Variants in STC1 observed in about 807,000 individuals in gnomAD.
The protein encoded by STC1 is stanniocalcin-1.
In STC1, 7 loss-of-function variants were observed where a neutral mutation model predicts 22.6. The ratio of observed to expected loss-of-function variants is 0.31; its 90% CI spans 0.18 to 0.58. The LOEUF (loss-of-function observed/expected upper bound fraction) is 0.58. Ranked by LOEUF, STC1 falls within the 20% of genes least tolerant of loss-of-function variation. STC1 has a pLI of 0.89. For synonymous variants in STC1, 113 were observed against 120.7 expected, an observed-to-expected ratio of 0.94 and a Z score of 0.42; for missense variants, 224 against 311.0, an observed-to-expected ratio of 0.72 and a Z score of 2.10.
At position 23,852,373 on chromosome 8, in the gene STC1, G is replaced by A. The variant is rs141125289; in HGVS notation, c.130C>T (p.Arg44Cys). The change falls in exon 2 of 4, where the codon CGT becomes TGT. Residue 44 changes from arginine (R) to cysteine (C), a missense_variant. Transcript: ENST00000290271. Reference protein sequence around the residue: ...VAAQNSAEVVRCLNSALQVGC... With the variant: ...VAAQNSAEVVCCLNSALQVGC... ...ACCTGTAGAGCACTGTTGAGGCAAC[G>A]AACCACTTCAGCTGAAAGAGACAAA... The A allele has an allele frequency of 1.9e-6, 3 of 1,600,472 alleles. No individual in the cohort carries two copies. The highest frequency in any genetic ancestry group is 2.6e-6 in the Non-Finnish European group (3 of 1,174,040).
intron 3 of STC1, among the ~76,000 whole-genome samples, chr8:23,847,263 C>G (rs1802584438): frequency 6.6e-6 from 1 of 152,168 alleles, no homozygotes; most frequent in African/African-American, 2.4e-5. Flanking sequence ...GCTTCAGGGC[C>G]ATACATTTCC....
At chr8:23,845,084 G>T (rs1358842297) in intron 3 of STC1, 44 bp from the exon 4 acceptor site, 4 of 1,596,700 alleles carry the variant, frequency 2.5e-6, no homozygotes, top group Middle Eastern at 3.7e-4. Context: ...CCCAGTGAGA[G>T]CCCGGCGAGA....
chr8:23,848,203 C>A (rs1228513404), intron 3 of STC1, among the ~76,000 whole-genome samples: 2 of 152,080 alleles, frequency 1.3e-5, no homozygotes, highest in Admixed American at 1.3e-4. Flanking sequence ...GCTTACATCC[C>A]CTCCTTTGCA....
rs749093838 is a variant in STC1, at chr8:23,851,369, G to T, written c.424C>A (p.Pro142Thr). 3.1e-6 allele frequency: 5 copies of T among 1,613,966 alleles called. No homozygotes were observed. In the African/African-American group the frequency reaches 5.3e-5, roughly 17 times the overall value. Residue 142 changes from proline to threonine, a missense_variant, in exon 3 of 4, where the codon CCT (proline) becomes ACT (threonine). Transcript: ENST00000290271. Reference protein sequence around the residue: ...LNVCSIAKRNPEAITEVVQLP... With the variant: ...LNVCSIAKRNTEAITEVVQLP... ...TGGACGACCTCAGTGATGGCTTCAG[G>T]GTTCCGCTTGGCGATGCTGCACACA...
chr8:23,854,002 A>G, intron 1 of STC1: 1 of 1,019,864 alleles, frequency 9.8e-7, no homozygotes, highest in Non-Finnish European at 1.2e-6. Flanking sequence ...GTAGAGTCTT[A>G]AGAGGAAAGG....
intron 1 of STC1, chr8:23,854,193 C>T: frequency 1.7e-6 from 2 of 1,161,884 alleles, no homozygotes; most frequent in Non-Finnish European, 2.3e-6. Flanking sequence ...ATACCCTCAG[C>T]AGAGCGTCCA....
intron 1 of STC1, among the ~76,000 whole-genome samples, chr8:23,853,254 G>T (rs1438251235): frequency 6.6e-6 from 1 of 152,166 alleles, no homozygotes; most frequent in Non-Finnish European, 1.5e-5. Context: ...CATGCCATAG[G>T]ATTCTCCTCT....
intron 3 of STC1, 104 bp downstream of exon 3, chr8:23,851,216 A>G: frequency 9.2e-7 from 1 of 1,089,044 alleles, no homozygotes; most frequent in Non-Finnish European, 1.4e-6. Flanking sequence ...AAGCTAAAAT[A>G]AGAGCATGAC....
chr8:23,854,056 C>T, intron 1 of STC1: 11 of 1,081,930 alleles, frequency 1.0e-5, no homozygotes, highest in Non-Finnish European at 1.2e-5. Context: ...CTTAGATCAG[C>T]TTCTGGAAAG....
chr8:23,851,313 T>G lies in STC1; in HGVS notation c.473+7A>C. The G allele has an allele frequency of 1.2e-6, 2 of 1,613,914 alleles. No homozygotes were observed. The highest frequency in any genetic ancestry group is 1.7e-6 in the Non-Finnish European group (2 of 1,179,958). On this transcript the variant is annotated splice_region_variant and intron_variant, in intron 3 of 3. Transcript: ENST00000290271. ...CCTGATTGTGAAAAAGTAGACTCAGTTTGTACCTGTTGGAGAAGTGATTGG... is the reference window on the plus strand; with the variant it reads ...CCTGATTGTGAAAAAGTAGACTCAGGTTGTACCTGTTGGAGAAGTGATTGG...
At chr8:23,852,728 T>G (rs561860064) in intron 1 of STC1, among the ~76,000 whole-genome samples, 1 of 152,196 alleles carries the variant, frequency 6.6e-6, no homozygotes, top group African/African-American at 2.4e-5. Context: ...CAAAGGTCAT[T>G]GCTTAGCACT....
At position 23,844,668 on chromosome 8, in the gene STC1, T is replaced by A. The variant is rs1802549528; in HGVS notation, c.*102A>T. ...TTTAAGGGGGATAGAAAATAGGAAC[T>A]ACTTTAAAAAAATCAAACCAGGCAC... On this transcript the variant is annotated 3_prime_UTR_variant, in exon 4 of 4. Coordinates refer to ENST00000290271, the MANE Select transcript of STC1 (RefSeq NM_003155.3). 10 of 1,360,242 alleles carry A rather than the reference T, an allele frequency of 7.4e-6. No homozygotes were observed. The highest frequency in any genetic ancestry group is 1.0e-5 in the Non-Finnish European group (10 of 1,003,284). 84.3% of individuals were successfully genotyped at this position (1,360,242 alleles called of 1,614,324 possible). A position where few individuals can be genotyped will look rare whatever the true frequency, so the allele number is the denominator to read the frequency against.
Position 23,854,606 on chromosome 8 carries a change from A to T in STC1, c.-83T>A. 2 of 1,164,192 alleles carry T rather than the reference A, an allele frequency of 1.7e-6. No homozygotes were observed. The highest frequency in any genetic ancestry group is 2.6e-6 in the Non-Finnish European group (2 of 772,854). The allele number at this position is 1,164,192 out of a possible 1,614,324, so 72.1% of individuals were successfully genotyped here. On this transcript the variant is annotated 5_prime_UTR_variant, in exon 1 of 4. Transcript: ENST00000290271. ...TCTTTCCCTCTCCTGGCTTGAGTGAAGATGTGGATCTGGATACACTGAAAG... is the reference window on the plus strand; with the variant it reads ...TCTTTCCCTCTCCTGGCTTGAGTGATGATGTGGATCTGGATACACTGAAAG...
At chr8:23,848,985 C>T (rs1802605706) in intron 3 of STC1, among the ~76,000 whole-genome samples, 1 of 152,162 alleles carries the variant, frequency 6.6e-6, no homozygotes, top group Non-Finnish European at 1.5e-5. Context: ...TGCCTGCTTC[C>T]CACAGGGTTG....
chr8:23,854,741 T>TGCC lies in STC1; in HGVS notation c.-221_-219dup. ...CTGCTGCCGCCGCTGCTGCTGCTGCTGCCACCGCCGCTGCTGCTGCTGCTG... is the reference window on the plus strand; with the variant it reads ...CTGCTGCCGCCGCTGCTGCTGCTGCTGCCGCCACCGCCGCTGCTGCTGCTGCTG... On this transcript the variant is annotated 5_prime_UTR_variant, in exon 1 of 4. Transcript: ENST00000290271. 3.1e-6 allele frequency: 2 copies of TGCC among 649,442 alleles called. No individual in the cohort carries two copies. The highest frequency in any genetic ancestry group is 5.7e-6 in the Non-Finnish European group (2 of 349,940). 40.2% of individuals were successfully genotyped at this position (649,442 alleles called of 1,614,324 possible).
chr8:23,848,648 G>A (rs770979993), intron 3 of STC1, among the ~76,000 whole-genome samples: 52 of 150,608 alleles, frequency 3.5e-4, no homozygotes, highest in Non-Finnish European at 7.1e-4. Context: ...CACCCAGCCC[G>A]AAAGGACCTT....
At position 23,854,389 on chromosome 8, in the gene STC1, T is replaced by C. The variant is rs1264635631; in HGVS notation, c.118+17A>G. On this transcript the variant is annotated intron_variant, in intron 1 of 3. Coordinates refer to ENST00000290271, the MANE Select transcript of STC1 (RefSeq NM_003155.3). ...CAGCTCTTTGGGGGAGAAACCGCTC[T>C]TGGGTTTGCTGCTTACCTGAGTTTT... The C allele has an allele frequency of 6.2e-7, 1 of 1,610,740 alleles. No homozygotes were observed. The highest frequency in any genetic ancestry group is 2.2e-5 in the East Asian group (1 of 44,836).
intron 3 of STC1, among the ~76,000 whole-genome samples, chr8:23,847,759 C>A: frequency 6.6e-6 from 1 of 152,196 alleles, no homozygotes; most frequent in Non-Finnish European, 1.5e-5. Flanking sequence ...GCAATCGTCA[C>A]CTATTTAGTG....
intron 3 of STC1, among the ~76,000 whole-genome samples, chr8:23,847,736 A>C (rs1802589230): frequency 6.6e-6 from 1 of 152,206 alleles, no homozygotes; most frequent in Non-Finnish European, 1.5e-5. Flanking sequence ...TGTCTCCAGC[A>C]AGAGTTGACT....
Sources: allele counts gnomAD v4.1 joint callset (sites outside exome capture counted in the v4.1 genomes callset), GRCh38; gene constraint gnomAD v4.1.1; transcripts MANE v1.5; gene names NCBI Gene and HGNC (gene_info 2026-07-23, HGNC 2026-07-21).